TOMM40: variants seen among roughly 807,000 people sequenced by gnomAD.
TOMM40 encodes mitochondrial import receptor subunit TOM40 homolog.
In TOMM40, 9 loss-of-function variants were observed where a neutral mutation model predicts 38.4. The ratio of observed to expected loss-of-function variants is 0.23; its 90% CI spans 0.14 to 0.41. The LOEUF (loss-of-function observed/expected upper bound fraction) is 0.41. Ranked by LOEUF, TOMM40 falls within the 10% of genes least tolerant of loss-of-function variation. The pLI is 1.00. For missense variants in TOMM40, 299 were observed against 486.5 expected, an observed-to-expected ratio of 0.61 and a Z score of 3.63; for synonymous variants, 184 against 210.0, an observed-to-expected ratio of 0.88 and a Z score of 1.07.
At position 44,903,675 on chromosome 19, in the gene TOMM40, T is replaced by C. The variant is rs1408222510; in HGVS notation, c.*506T>C. 1.3e-5 allele frequency: 2 copies of C among 152,578 alleles called. No homozygotes were observed. Among genetic ancestry groups the C allele is most frequent in the African/African-American group, 4.8e-5 (2 of 41,298 alleles). The allele number at this position is 152,578 out of a possible 1,614,324, so 9.5% of individuals were successfully genotyped here. On this transcript the variant is annotated 3_prime_UTR_variant, in exon 9 of 9. Transcript: ENST00000426677. ...AACAAAAAACAACAAAAAATATACG[T>C]GGGAAAAAAAACGATGGGAGGCCTC...
At position 44,891,436 on chromosome 19, in the gene TOMM40, C is replaced by T. The variant is rs1246216944; in HGVS notation, c.21C>T (p.Ala7=). Residue 7 remains alanine (A), a synonymous_variant, in exon 1 of 9, where the codon GCC becomes GCT. Transcript: ENST00000426677. The stretch of plus-strand genomic sequence containing the variant: ...CGACCATGGGGAACGTGTTGGCTGC[C>T]AGCTCGCCGCCCGCAGGGCCGCCAC... The part of the protein sequence containing the change: MGNVLA[A]SSPPAGPPPP... The T allele has an allele frequency of 1.5e-6, 2 of 1,294,024 alleles. No homozygotes were observed. Among genetic ancestry groups the T allele is most frequent in the African/African-American group, 1.5e-5 (1 of 64,704 alleles). 80.2% of individuals were successfully genotyped at this position (1,294,024 alleles called of 1,614,324 possible). A position where few individuals can be genotyped will look rare whatever the true frequency, so the allele number is the denominator to read the frequency against.
intron 5 of TOMM40, 130 bp from the exon 6 acceptor site, chr19:44,900,600 A>C (rs1454659366): frequency 6.4e-7 from 1 of 1,556,628 alleles, no homozygotes; most frequent in African/African-American, 1.4e-5. Flanking sequence ...GGTTAGGAGA[A>C]AGGAGCCCTT....
At chr19:44,892,549 T>C in intron 2 of TOMM40, 89 bp downstream of exon 2, 1 of 1,256,032 alleles carries the variant, frequency 8.0e-7, no homozygotes, top group Non-Finnish European at 1.2e-6. Context: ...TACTCCTCCC[T>C]CAAGAGCTGG....
rs11556510 is a variant in TOMM40, at chr19:44,891,562, T to G, written c.147T>G (p.Ser49Arg). The change falls in exon 1 of 9, where the codon AGT becomes AGG. Residue 49 changes from serine to arginine, a missense_variant. Ser to Arg is a moderately radical substitution (Grantham distance 110). Transcript: ENST00000426677. ...GAGGCAGCCTGGGCGCCGGCACCAG[T>G]ACGAGTCGAAGTTCGGAACGGACCC... is the stretch of plus-strand genomic sequence containing the variant. ...PLGGSLGAGT[S>R]TSRSSERTPG... 0.015 allele frequency: 21,272 copies of G among 1,441,996 alleles called. 208 individuals carry two copies. Among genetic ancestry groups the G allele is most frequent in the Non-Finnish European group, 0.017 (18,535 of 1,097,202 alleles). 89.3% of individuals were successfully genotyped at this position (1,441,996 alleles called of 1,614,324 possible). A position where few individuals can be genotyped will look rare whatever the true frequency, so the allele number is the denominator to read the frequency against.
At position 44,891,601 on chromosome 19, in the gene TOMM40, C is replaced by A. The variant is rs1381860520; in HGVS notation, c.186C>A (p.Thr62=). Residue 62 remains threonine (T), a synonymous_variant, in exon 1 of 9, where the codon ACC becomes ACA. Transcript: ENST00000426677. ...CGGAACGGACCCCCGGGGCTGCAAC[C>A]GCCAGCGCCTCAGGGGCCGCCGAGG... ...RSSERTPGAA[T]ASASGAAEDG... is the part of the protein sequence containing the mutation. The A allele has an allele frequency of 2.0e-6, 3 of 1,473,708 alleles. No homozygotes were observed. In the Admixed American group the frequency reaches 6.9e-5, roughly 34 times the overall value. The allele number at this position is 1,473,708 out of a possible 1,614,324, so 91.3% of individuals were successfully genotyped here. A position where few individuals can be genotyped will look rare whatever the true frequency, so the allele number is the denominator to read the frequency against.
Position 44,893,813 on chromosome 19 carries a change from A to C in TOMM40, c.469A>C (p.Ser157Arg). ...TGTACTGGTGGGTGACATGGACAAC[A>C]GTGGCAGTCTCAACGCTCAGGTCAT... ...FPVLVGDMDN[S>R]GSLNAQVIHQ... The change falls in exon 4 of 9, where the codon AGT (serine) becomes CGT (arginine). Residue 157 changes from serine (S) to arginine (R), a missense_variant. Coordinates refer to ENST00000426677, the MANE Select transcript of TOMM40 (RefSeq NM_001128917.2). The C allele has an allele frequency of 1.9e-6, 3 of 1,612,218 alleles. No homozygotes were observed. Among genetic ancestry groups the C allele is most frequent in the Non-Finnish European group, 2.5e-6 (3 of 1,180,004 alleles).
chr19:44,893,767 C>T lies in TOMM40; in HGVS notation c.436-13C>T. The T allele has an allele frequency of 6.2e-7, 1 of 1,610,762 alleles. No individual in the cohort carries two copies. Among genetic ancestry groups the T allele is most frequent in the Admixed American group, 1.7e-5 (1 of 59,962 alleles). On this transcript the variant is annotated splice_polypyrimidine_tract_variant and intron_variant, in intron 3 of 8. Transcript: ENST00000426677. ...CACCACCTCTGACCCCTTCCGTTCT[C>T]TCTGCCTCACAGGCGTTCCCTGTAC...
At chr19:44,898,041 T>G (rs1599941606) in intron 5 of TOMM40, among the ~76,000 whole-genome samples, 1 of 152,200 alleles carries the variant, frequency 6.6e-6, no homozygotes, top group East Asian at 1.9e-4. Flanking sequence ...TGCAGCCTAC[T>G]TCTGATCTCA....
intron 5 of TOMM40, among the ~76,000 whole-genome samples, chr19:44,898,314 G>A (rs757268629): frequency 5.3e-5 from 8 of 151,920 alleles, no homozygotes; most frequent in Non-Finnish European, 1.2e-4. Context: ...AAGCATCTTC[G>A]CACCTGCTTT....
chr19:44,901,678 G>A (rs561591392), intron 8 of TOMM40: 34 of 351,794 alleles, frequency 9.7e-5, no homozygotes, highest in African/African-American at 5.0e-4. Flanking sequence ...CGGAGCTTGC[G>A]GTGAGCCGAG....
chr19:44,897,079 TCTC>T (rs1203094752), intron 5 of TOMM40, among the ~76,000 whole-genome samples: 2 of 151,982 alleles, frequency 1.3e-5, no homozygotes, highest in Non-Finnish European at 2.9e-5. Context: ...ACCCATATCT[TCTC>T]AGGGCACGAG....
At chr19:44,891,721 A>T (rs967413075) in intron 1 of TOMM40, 32 bp downstream of exon 1, 37 of 1,412,488 alleles carry the variant, frequency 2.6e-5, no homozygotes, top group Non-Finnish European at 3.3e-5. Context: ...CTGGGCTGCG[A>T]TGGCCTGGAT....
At chr19:44,899,618 A>ATT (rs139644294) in intron 5 of TOMM40, among the ~76,000 whole-genome samples, 12 of 143,566 alleles carry the variant, frequency 8.4e-5, no homozygotes, top group South Asian at 4.5e-4. Flanking sequence ...CCTGGCCTTG[A>ATT]TTTTTTTTTT....
At chr19:44,899,791 C>CTTTTTTTTTTTTTTTTTT (rs10524523) in intron 5 of TOMM40, among the ~76,000 whole-genome samples, 3 of 90,986 alleles carry the variant, frequency 3.3e-5, no homozygotes, top group African/African-American at 7.4e-5. Context: ...TTGCATCTGG[C>CTTTTTTTTTTTTTTTTTT]TTTTTTTTTT....
chr19:44,902,185 CCTCTTATTTTTCTGCACTTGACT>C (rs1203533919), intron 8 of TOMM40: 1 of 152,082 alleles, frequency 6.6e-6, no homozygotes, highest in East Asian at 1.9e-4. Flanking sequence ...TTGTCCATCC[CCTCTTATTTTTCTGCACTTGACT>C]CTCTTATTTT....
At position 44,892,453 on chromosome 19, in the gene TOMM40, A is replaced by G; in HGVS notation, c.335A>G (p.His112Arg). Residue 112 changes from histidine to arginine, a missense_variant, in exon 2 of 9, where the codon CAT (histidine) becomes CGT (arginine). Physicochemically the swap from His to Arg is conservative, Grantham distance 29. Coordinates refer to ENST00000426677, the MANE Select transcript of TOMM40 (RefSeq NM_001128917.2). Reference protein sequence around the residue: ...KLTVNKGLSNHFQVNHTVALS... With the variant: ...KLTVNKGLSNRFQVNHTVALS... The stretch of plus-strand genomic sequence containing the variant: ...ACAGTCAACAAAGGGTTGAGTAACC[A>G]TTTTCAGGTGAGCCTTCCTGGTGTC... 1 of 1,612,470 alleles carries G rather than the reference A, an allele frequency of 6.2e-7. No individual in the cohort carries two copies. Among genetic ancestry groups the G allele is most frequent in the Non-Finnish European group, 8.5e-7 (1 of 1,179,966 alleles).
At chr19:44,901,129 G>C in intron 7 of TOMM40, 25 bp downstream of exon 7, 1 of 1,614,130 alleles carries the variant, frequency 6.2e-7, no homozygotes, top group Non-Finnish European at 8.5e-7. Context: ...GGACTAGCTG[G>C]TGCTGCCAGG....
rs1969537433 is a variant in TOMM40, at chr19:44,894,918, AG to A, written c.643+857del. On this transcript the variant is annotated intron_variant, in intron 5 of 8. Coordinates refer to ENST00000426677, the MANE Select transcript of TOMM40 (RefSeq NM_001128917.2). Reference sequence around the variant, plus strand: ...AGCTGGCGTAGAGAGCAGACTCCAAAGGGGGTACCACTGGGAGGGAGTGGAC... The same window carrying A: ...AGCTGGCGTAGAGAGCAGACTCCAAAGGGGTACCACTGGGAGGGAGTGGAC... Among the ~76,000 whole-genome samples the A allele has an allele frequency of 2.0e-5, 3 of 152,196 alleles. No individual in the cohort carries two copies. In the South Asian group the frequency reaches 6.2e-4, roughly 32 times the overall value.
In TOMM40 at chr19:44,900,699, G is replaced by A. The variant is rs753357037; in HGVS notation, c.644-31G>A. 3 of 1,611,798 alleles carry A rather than the reference G, an allele frequency of 1.9e-6. No individual in the cohort carries two copies. In the South Asian group the frequency reaches 3.3e-5, roughly 18 times the overall value. ...TGGAGTCTAGCCTGGCACTCAGGGTGGGTGGAAACTGATCGTCATTTTGCC... is the reference window on the plus strand; with the variant it reads ...TGGAGTCTAGCCTGGCACTCAGGGTAGGTGGAAACTGATCGTCATTTTGCC... On this transcript the variant is annotated intron_variant, in intron 5 of 8. Coordinates refer to ENST00000426677, the MANE Select transcript of TOMM40 (RefSeq NM_001128917.2).
Sources: allele counts gnomAD v4.1 joint callset (sites outside exome capture counted in the v4.1 genomes callset), GRCh38; gene constraint gnomAD v4.1.1; transcripts MANE v1.5; gene names NCBI Gene and HGNC (gene_info 2026-07-23, HGNC 2026-07-21).